Variants in KALRN observed in about 807,000 individuals in gnomAD.
KALRN encodes the protein kalirin.
In KALRN, 70 loss-of-function variants were observed where a neutral mutation model predicts 353.7. The observed-to-expected ratio is 0.20, with a 90% CI of 0.16 to 0.24. The LOEUF (loss-of-function observed/expected upper bound fraction) is 0.24, where lower values mean the gene tolerates loss of function less well. Among genes scored for constraint, KALRN ranks in the 10% least tolerant of loss-of-function variants. The pLI, the probability that KALRN is intolerant of heterozygous loss-of-function variation, is 1.00. For synonymous variants in KALRN, 1,391 were observed against 1,434.8 expected, an observed-to-expected ratio of 0.97 and a Z score of 0.69; for missense variants, 2,791 against 3,756.7, an observed-to-expected ratio of 0.74 and a Z score of 6.72.
At chr3:124,188,977 AACAAATCTGCTTTGTCCTGGG>A (rs1343419447) in intron 1 of KALRN, among the ~76,000 whole-genome samples, 1 of 152,208 alleles carries the variant, frequency 6.6e-6, no homozygotes, top group African/African-American at 2.4e-5. Context: ...AGAGGCTACA[AACAAATCTGCTTTGTCCTGGG>A]GCGGAGGCAT....
chr3:124,278,946 C>A (rs78792419), intron 5 of KALRN, among the ~76,000 whole-genome samples: 2,764 of 152,282 alleles, frequency 0.018, 35 homozygotes, highest in Non-Finnish European at 0.029. Flanking sequence ...TTTCTACCTT[C>A]TACCATTTTC....
chr3:124,332,593 T>C (rs2080701603), intron 8 of KALRN, among the ~76,000 whole-genome samples: 1 of 152,062 alleles, frequency 6.6e-6, no homozygotes, highest in South Asian at 2.1e-4. Flanking sequence ...GTGTTGATTG[T>C]ATGTGTCATT....
At chr3:124,448,578 C>T (rs998359428) in intron 21 of KALRN, among the ~76,000 whole-genome samples, 1 of 151,704 alleles carries the variant, frequency 6.6e-6, no homozygotes, top group Admixed American at 6.6e-5. Context: ...GCCTGGAATA[C>T]CCTTCCCTTC....
intron 23 of KALRN, among the ~76,000 whole-genome samples, chr3:124,459,786 T>C (rs551324972): frequency 2.2e-4 from 33 of 152,210 alleles, no homozygotes; most frequent in Non-Finnish European, 2.6e-4. Flanking sequence ...CTCTATATAG[T>C]TTATTTTATC....
chr3:124,211,878 C>G (rs998613981), intron 1 of KALRN, among the ~76,000 whole-genome samples: 1 of 152,160 alleles, frequency 6.6e-6, no homozygotes, highest in African/African-American at 2.4e-5. Context: ...GGGATAGAAA[C>G]TGCATGACTC....
chr3:124,661,069 C>A, intron 44 of KALRN, 96 bp downstream of exon 44: 2 of 942,722 alleles, frequency 2.1e-6, no homozygotes, highest in Non-Finnish European at 1.7e-6. Flanking sequence ...ACCGTGGATC[C>A]AGGTGGACCC....
At chr3:124,117,303 T>C (rs943599338) in intron 1 of KALRN, among the ~76,000 whole-genome samples, 12 of 150,412 alleles carry the variant, frequency 8.0e-5, no homozygotes, top group East Asian at 1.9e-4. Context: ...ATTTCTTTTA[T>C]GGAAAAGAAA....
At chr3:124,368,480 C>G (rs1401403520) in intron 10 of KALRN, among the ~76,000 whole-genome samples, 1 of 150,158 alleles carries the variant, frequency 6.7e-6, no homozygotes, top group Non-Finnish European at 1.5e-5. Context: ...CGGGCAGAGA[C>G]GCTCCTCACT....
intron 39 of KALRN, among the ~76,000 whole-genome samples, chr3:124,656,074 A>G (rs910955268): frequency 6.6e-6 from 1 of 152,220 alleles, no homozygotes; most frequent in African/African-American, 2.4e-5. Context: ...ATTTCCATAG[A>G]TTTCAAGGGT....
At chr3:124,408,728 G>A (rs2091857680) in intron 13 of KALRN, among the ~76,000 whole-genome samples, 1 of 150,502 alleles carries the variant, frequency 6.6e-6, no homozygotes, top group African/African-American at 2.4e-5. Context: ...AAAAAAAAAG[G>A]GAGGGGCAGG....
At chr3:124,590,457 T>TA (rs2075663801) in intron 34 of KALRN, among the ~76,000 whole-genome samples, 2 of 152,242 alleles carry the variant, frequency 1.3e-5, no homozygotes, top group African/African-American at 4.8e-5. Context: ...AAAATAACTT[T>TA]AAAAATAAAA....
intron 6 of KALRN, among the ~76,000 whole-genome samples, chr3:124,315,516 C>T (rs888508349): frequency 7.2e-5 from 11 of 152,136 alleles, no homozygotes; most frequent in Non-Finnish European, 1.3e-4. Flanking sequence ...TTTTCTCCCT[C>T]ACTGCTGGTT....
intron 1 of KALRN, among the ~76,000 whole-genome samples, chr3:124,155,506 C>T (rs1051718802): frequency 3.3e-5 from 5 of 152,148 alleles, no homozygotes; most frequent in African/African-American, 7.2e-5. Flanking sequence ...AGAACATTTC[C>T]AGATCCACTG....
intron 34 of KALRN, among the ~76,000 whole-genome samples, chr3:124,614,019 T>C (rs2078279156): frequency 6.6e-6 from 1 of 152,202 alleles, no homozygotes; most frequent in Non-Finnish European, 1.5e-5. Flanking sequence ...TTGAGATCTA[T>C]AGAAGAGACT....
intron 10 of KALRN, among the ~76,000 whole-genome samples, chr3:124,349,939 G>C (rs1378770846): frequency 6.6e-6 from 1 of 152,192 alleles, no homozygotes; most frequent in African/African-American, 2.4e-5. Context: ...GGAGGTTGTA[G>C]TACGTGGGGT....
At chr3:124,503,406 A>G (rs1352776663) in intron 33 of KALRN, among the ~76,000 whole-genome samples, 3 of 152,006 alleles carry the variant, frequency 2.0e-5, no homozygotes, top group Non-Finnish European at 4.4e-5. Context: ...ATTCACCCCA[A>G]AGTAGGAAAA....
intron 34 of KALRN, among the ~76,000 whole-genome samples, chr3:124,563,802 G>A (rs57715370): frequency 0.012 from 1,819 of 152,110 alleles, 20 homozygotes; most frequent in East Asian, 0.057. Flanking sequence ...AGAAATGCAG[G>A]TGCCAGCCTG....
At chr3:124,706,271 T>C (rs2062609548) in intron 57 of KALRN, among the ~76,000 whole-genome samples, 1 of 152,144 alleles carries the variant, frequency 6.6e-6, no homozygotes, top group Admixed American at 6.5e-5. Context: ...CCAGGCACAG[T>C]TGAAGGCAGT....
chr3:124,202,757 C>T (rs180792859), intron 1 of KALRN, among the ~76,000 whole-genome samples: 24 of 152,248 alleles, frequency 1.6e-4, no homozygotes, highest in Admixed American at 9.1e-4. Flanking sequence ...CATACTTTTG[C>T]TTCATCACCT....
Sources: allele counts gnomAD v4.1 joint callset (sites outside exome capture counted in the v4.1 genomes callset), GRCh38; gene constraint gnomAD v4.1.1; transcripts MANE v1.5; gene names NCBI Gene and HGNC (gene_info 2026-07-23, HGNC 2026-07-21).